Variants in TOM1L2 observed in about 807,000 individuals in gnomAD.
TOM1L2 encodes the protein TOM1-like protein 2.
In TOM1L2, 31 loss-of-function variants were observed where a neutral mutation model predicts 67.9. The observed-to-expected ratio is 0.46, with a 90% confidence interval of 0.34 to 0.62. TOM1L2 has a LOEUF of 0.62. Among genes scored for constraint, TOM1L2 ranks in the 20% least tolerant of loss-of-function variants. TOM1L2 has a pLI of 0.01. For synonymous variants in TOM1L2, 256 were observed against 254.0 expected, an observed-to-expected ratio of 1.01 and a Z score of -0.07; for missense variants, 606 against 663.5, an observed-to-expected ratio of 0.91 and a Z score of 0.95.
At chr17:17,919,697 G>C (rs1040628471) in intron 1 of TOM1L2, among the ~76,000 whole-genome samples, 1 of 152,180 alleles carries the variant, frequency 6.6e-6, no homozygotes, top group Non-Finnish European at 1.5e-5. Flanking sequence ...GCAGTTTCTT[G>C]CCCTTAAAGC....
In TOM1L2 at chr17:17,955,631, G is replaced by A. The variant is rs553012262; in HGVS notation, c.52+16631C>T. 4.6e-5 allele frequency among the ~76,000 whole-genome samples: 7 copies of A among 152,262 alleles called. No homozygotes were observed. In the East Asian group the frequency reaches 9.6e-4, roughly 21 times the overall value. ...TGGGATTACAGGCATAAGCCACTGC[G>A]CCCAGCCTCTTCTTTGTTGTTTTTT... is the stretch of plus-strand genomic sequence containing the variant. On this transcript the variant is annotated intron_variant, in intron 1 of 14. Transcript: ENST00000379504.
In TOM1L2 at chr17:17,890,787, G is replaced by A. The variant is rs1169960245; in HGVS notation, c.366+2874C>T. On this transcript the variant is annotated intron_variant, in intron 4 of 14. Transcript: ENST00000379504. ...GATGCAGGGGCTGGTTACATGTTCA[G>A]TTTGTGAAAATTTATCAAGTTGTAT... 2.0e-5 allele frequency among the ~76,000 whole-genome samples: 3 copies of A among 152,262 alleles called. No homozygotes were observed. The East Asian group carries it at 5.8e-4, about 29-fold the overall frequency.
Position 17,946,673 on chromosome 17 carries a change from G to A in TOM1L2, c.52+25589C>T, listed in dbSNP as rs112665326. On this transcript the variant is annotated intron_variant, in intron 1 of 14. Transcript: ENST00000379504. ...TAGGCTCATGGGTGCAGAGGCTGCA[G>A]GAGGCCTGTTTTGCTCTCTAAACAT... Among the ~76,000 whole-genome samples, 193 of 152,222 alleles carry A rather than the reference G, an allele frequency of 1.3e-3. 1 individual carries two copies. Among genetic ancestry groups the A allele is most frequent in the African/African-American group, 4.4e-3 (182 of 41,538 alleles).
At chr17:17,855,512 G>A (rs1309062388) in intron 12 of TOM1L2, among the ~76,000 whole-genome samples, 2 of 152,202 alleles carry the variant, frequency 1.3e-5, no homozygotes, top group Admixed American at 1.3e-4. Flanking sequence ...GCCAGGGAGG[G>A]AGAGCACAAG....
chr17:17,860,321 G>C (rs1441989572), intron 12 of TOM1L2, among the ~76,000 whole-genome samples: 19 of 152,254 alleles, frequency 1.2e-4, no homozygotes, highest in Admixed American at 1.2e-3. Flanking sequence ...CAGGGGTTCA[G>C]GTGGCACTGC....
chr17:17,912,745 G>A (rs2039444786), intron 1 of TOM1L2, among the ~76,000 whole-genome samples: 1 of 151,928 alleles, frequency 6.6e-6, no homozygotes, highest in Admixed American at 6.5e-5. Flanking sequence ...CAGACGATGG[G>A]CGGCCAGGCA....
chr17:17,857,891 A>G (rs2143639182), intron 12 of TOM1L2: 3 of 1,503,122 alleles, frequency 2.0e-6, no homozygotes, highest in African/African-American at 1.4e-5. Context: ...CCCATGAGAA[A>G]GAAGTCAATA....
At chr17:17,859,661 G>T (rs1329374755) in intron 12 of TOM1L2, 1 of 152,148 alleles carries the variant, frequency 6.6e-6, no homozygotes, top group African/African-American at 2.4e-5. Flanking sequence ...CGGGCAGAGT[G>T]CCTGAGGTCA....
rs763971752 is a variant in TOM1L2 at position 17,882,712 on chromosome 17, G to C, written c.653C>G (p.Ser218Ter). Residue 218 changes from serine (S) to a stop codon, truncating the protein, a stop_gained, in exon 6 of 15, where the codon TCA (serine) becomes TGA (stop). Transcript: ENST00000379504. LOFTEE classifies it high-confidence loss of function. Reference protein sequence around the residue: ...LSVTGPITANSEQIARLRSEL... With the variant: ...LSVTGPITAN ...CCCGAAGTATGCAAGTACCTGTTCT[G>C]AATTGGCTGTGATGGGGCCAGTCAC... is the stretch of plus-strand genomic sequence containing the variant. 6.2e-7 allele frequency: 1 copy of C among 1,614,184 alleles called. No homozygotes were observed. The highest frequency in any genetic ancestry group is 8.5e-7 in the Non-Finnish European group (1 of 1,180,018).
chr17:17,887,547 G>T (rs1261021331), intron 4 of TOM1L2, among the ~76,000 whole-genome samples: 1 of 152,214 alleles, frequency 6.6e-6, no homozygotes, highest in Admixed American at 6.5e-5. Flanking sequence ...TGCCATCTCA[G>T]CTCACTGCAA....
intron 1 of TOM1L2, among the ~76,000 whole-genome samples, chr17:17,908,940 T>C (rs1319011557): frequency 6.6e-6 from 1 of 152,182 alleles, no homozygotes; most frequent in East Asian, 1.9e-4. Flanking sequence ...CCCAGCACTT[T>C]GGGAGGCCAA....
At chr17:17,923,285 C>T (rs2039952501) in intron 1 of TOM1L2, among the ~76,000 whole-genome samples, 1 of 152,188 alleles carries the variant, frequency 6.6e-6, no homozygotes, top group South Asian at 2.1e-4. Context: ...CCTGTAATCC[C>T]AGCTATTTGG....
In TOM1L2 at chr17:17,907,694, A is replaced by C. The variant is rs929009064; in HGVS notation, c.53-163T>G. 4.5e-4 allele frequency among the ~76,000 whole-genome samples: 68 copies of C among 152,182 alleles called. 1 individual carries two copies. The highest frequency in any genetic ancestry group is 1.5e-5 in the Non-Finnish European group (1 of 68,046). On this transcript the variant is annotated intron_variant, in intron 1 of 14. Transcript: ENST00000379504. ...TATTATCACAAGAGAACACCCGGGA[A>C]AGGTCCTGGCCTGAGGGCTGATGTT...
intron 1 of TOM1L2, among the ~76,000 whole-genome samples, chr17:17,923,869 G>A (rs560283630): frequency 4.6e-5 from 7 of 152,068 alleles, no homozygotes; most frequent in Non-Finnish European, 8.8e-5. Context: ...CGGGCGCGGT[G>A]GCTGTCGCCT....
chr17:17,907,639 G>T, intron 1 of TOM1L2, 108 bp from the exon 2 acceptor site: 1 of 942,918 alleles, frequency 1.1e-6, no homozygotes, highest in Non-Finnish European at 1.6e-6. Context: ...AAGCAGATGG[G>T]CTGAGCCAAC....
chr17:17,897,072 C>T (rs770350098), intron 3 of TOM1L2, among the ~76,000 whole-genome samples: 5 of 152,186 alleles, frequency 3.3e-5, no homozygotes, highest in African/African-American at 4.8e-5. Context: ...TAGAGGAAGG[C>T]AAGTAAACGC....
rs2035527790 is a variant in TOM1L2, at chr17:17,844,222, T to G, written c.*3413A>C. 6.6e-6 allele frequency: 1 copy of G among 152,202 alleles called. No individual in the cohort carries two copies. The highest frequency in any genetic ancestry group is 2.4e-5 in the African/African-American group (1 of 41,436). The allele number at this position is 152,202 out of a possible 1,614,324, so 9.4% of individuals were successfully genotyped here. ...AGCCATCCAGAAGGCTGGGCCCAAC[T>G]GAGTTAGAGATGCGTGTCTGCGGGG... On this transcript the variant is annotated 3_prime_UTR_variant, in exon 15 of 15. Transcript: ENST00000379504.
At chr17:17,861,975 G>A (rs1303829111) in intron 11 of TOM1L2, 2 of 166,196 alleles carry the variant, frequency 1.2e-5, no homozygotes, top group Admixed American at 1.2e-4. Context: ...TGGGACCCGG[G>A]CCTGTCACTG....
At chr17:17,873,070 C>A (rs1375022699) in intron 7 of TOM1L2, among the ~76,000 whole-genome samples, 1 of 152,188 alleles carries the variant, frequency 6.6e-6, no homozygotes, top group African/African-American at 2.4e-5. Flanking sequence ...CAGGCACTTG[C>A]CACACTGCTT....
Sources: allele counts gnomAD v4.1 joint callset (sites outside exome capture counted in the v4.1 genomes callset), GRCh38; gene constraint gnomAD v4.1.1; transcripts MANE v1.5; gene names NCBI Gene and HGNC (gene_info 2026-07-23, HGNC 2026-07-21).